The following TNRC6B variants were observed in gnomAD, a reference collection of about 807,000 sequenced individuals.
TNRC6B encodes the protein trinucleotide repeat-containing gene 6B protein.
A neutral mutation model predicts 203.6 loss-of-function variants in TNRC6B; 52 were observed. That is an observed-to-expected ratio of 0.26 (90% CI 0.20 to 0.32). The LOEUF is 0.32. TNRC6B is among the 10% of genes least tolerant of loss of function. TNRC6B has a pLI of 1.00. For missense variants in TNRC6B, 1,923 were observed against 2,286.2 expected (o/e 0.84, Z 3.24); for synonymous variants, 838 against 845.7 (o/e 0.99, Z 0.16).
At chr22:40,094,208 G>A (rs1301413292) in intron 1 of TNRC6B, among the ~76,000 whole-genome samples, 9 of 152,084 alleles carry the variant, frequency 5.9e-5, no homozygotes, top group African/African-American at 1.7e-4. Flanking sequence ...TACACAGTAC[G>A]CATCTAGTAA....
At chr22:40,253,881 T>C (rs1313322679) in intron 3 of TNRC6B, among the ~76,000 whole-genome samples, 1 of 152,214 alleles carries the variant, frequency 6.6e-6, no homozygotes. Flanking sequence ...CCAAAGATGG[T>C]GTCTTCCTCA....
chr22:40,100,459 G>A (rs1198240044), intron 1 of TNRC6B, among the ~76,000 whole-genome samples: 5 of 151,990 alleles, frequency 3.3e-5, no homozygotes, highest in Non-Finnish European at 7.4e-5. Context: ...GCTCACTGCA[G>A]CCTCGAACTC....
intron 1 of TNRC6B, among the ~76,000 whole-genome samples, chr22:40,178,983 T>G (rs2069100302): frequency 6.6e-6 from 1 of 152,180 alleles, no homozygotes; most frequent in Admixed American, 6.5e-5. Flanking sequence ...CGAAATAAAA[T>G]TTTTGTTTAA....
At chr22:40,102,935 G>A (rs2068252157) in intron 1 of TNRC6B, among the ~76,000 whole-genome samples, 2 of 151,984 alleles carry the variant, frequency 1.3e-5, no homozygotes, top group Non-Finnish European at 2.9e-5. Context: ...AAATTAGCTG[G>A]GCATGGTGGC....
intron 1 of TNRC6B, among the ~76,000 whole-genome samples, chr22:40,097,043 C>T (rs1291953724): frequency 6.6e-6 from 1 of 152,158 alleles, no homozygotes; most frequent in Non-Finnish European, 1.5e-5. Context: ...CTTACCTGCC[C>T]CATCAGGGGA....
intron 15 of TNRC6B, among the ~76,000 whole-genome samples, chr22:40,307,125 T>G (rs2071096985): frequency 6.9e-6 from 1 of 145,210 alleles, no homozygotes. Context: ...TTTATATAAA[T>G]AGCAACATTT....
At chr22:40,255,515 ACT>A (rs1410552084) in intron 3 of TNRC6B, among the ~76,000 whole-genome samples, 2 of 152,220 alleles carry the variant, frequency 1.3e-5, no homozygotes, top group Non-Finnish European at 2.9e-5. Flanking sequence ...TTGTAGAAAC[ACT>A]GTGTGTTCTA....
intron 2 of TNRC6B, among the ~76,000 whole-genome samples, chr22:40,120,030 A>G (rs778477433): frequency 5.9e-5 from 9 of 152,226 alleles, no homozygotes; most frequent in Non-Finnish European, 1.2e-4. Flanking sequence ...TGGGCACATT[A>G]CATGGTTTTA....
chr22:40,312,377 T>G (rs2071196113), intron 17 of TNRC6B, 128 bp from the exon 18 acceptor site: 2 of 1,030,280 alleles, frequency 1.9e-6, no homozygotes, highest in African/African-American at 1.6e-5. Flanking sequence ...AATTTTGTGA[T>G]GAAAATCTAA....
chr22:40,071,751 A>G (rs541855499), intron 1 of TNRC6B, among the ~76,000 whole-genome samples: 2 of 152,278 alleles, frequency 1.3e-5, no homozygotes, highest in South Asian at 4.1e-4. Flanking sequence ...TTTTGTGTTC[A>G]TTGTATGTTA....
chr22:40,121,049 A>G (rs1397203313), intron 2 of TNRC6B, among the ~76,000 whole-genome samples: 1 of 152,170 alleles, frequency 6.6e-6, no homozygotes, highest in Non-Finnish European at 1.5e-5. Flanking sequence ...TCAGGGATAC[A>G]AGGCCAGGAA....
chr22:40,231,540 C>A (rs1036662204), intron 1 of TNRC6B, among the ~76,000 whole-genome samples: 1 of 151,882 alleles, frequency 6.6e-6, no homozygotes, highest in African/African-American at 2.4e-5. Flanking sequence ...TTTAAAATTT[C>A]TATTTCTGAT....
In TNRC6B at chr22:40,227,057, G is replaced by A. The variant is rs7291679; in HGVS notation, c.6-18958G>A. 2.5e-3 allele frequency among the ~76,000 whole-genome samples: 381 copies of A among 149,648 alleles called. 2 individuals carry two copies. The highest frequency in any genetic ancestry group is 8.2e-3 in the African/African-American group (333 of 40,682). On this transcript the variant is annotated intron_variant, in intron 1 of 22. Coordinates refer to ENST00000454349, the MANE Select transcript of TNRC6B (RefSeq NM_001162501.2). ...CCCAAGTAGCTGAGACTACAGGCAT[G>A]TGTCGCCACACCCAGCTAATTATTA...
intron 3 of TNRC6B, among the ~76,000 whole-genome samples, chr22:40,132,644 CAAAA>C (rs35771828): frequency 1.5e-5 from 1 of 65,084 alleles, no homozygotes. Flanking sequence ...GACTCCATCT[CAAAA>C]AAAAAAAAAA....
intron 1 of TNRC6B, among the ~76,000 whole-genome samples, chr22:40,058,526 GCAGA>G (rs1290074635): frequency 6.6e-6 from 1 of 152,244 alleles, no homozygotes; most frequent in Non-Finnish European, 1.5e-5. Context: ...AGCTTTGGAA[GCAGA>G]CAGTCTCTAG....
At chr22:40,096,205 C>A (rs766311835) in intron 1 of TNRC6B, among the ~76,000 whole-genome samples, 11 of 152,166 alleles carry the variant, frequency 7.2e-5, no homozygotes, top group Admixed American at 2.0e-4. Context: ...AAATCTTTAG[C>A]CACAGGGAAC....
chr22:40,089,718 A>AT (rs987185595), intron 1 of TNRC6B, among the ~76,000 whole-genome samples: 3 of 152,140 alleles, frequency 2.0e-5, no homozygotes, highest in Non-Finnish European at 4.4e-5. Flanking sequence ...CTCAAAGTTC[A>AT]TTTGCATTAG....
intron 1 of TNRC6B, chr22:40,106,799 A>G (rs1031397202): frequency 7.5e-6 from 8 of 1,066,880 alleles, no homozygotes; most frequent in Non-Finnish European, 2.9e-6. Flanking sequence ...GGCAAATGCC[A>G]ATTTGGGTTC....
chr22:40,169,893 G>C (rs751557708), intron 4 of TNRC6B, among the ~76,000 whole-genome samples: 2 of 152,056 alleles, frequency 1.3e-5, no homozygotes, highest in Admixed American at 6.6e-5. Flanking sequence ...TATTTTTGCT[G>C]TCACATTTTA....
Sources: allele counts gnomAD v4.1 joint callset (sites outside exome capture counted in the v4.1 genomes callset), GRCh38; gene constraint gnomAD v4.1.1; transcripts MANE v1.5; gene names NCBI Gene and HGNC (gene_info 2026-07-23, HGNC 2026-07-21).